STARD9: variants seen among roughly 807,000 people sequenced by gnomAD.
STARD9 encodes the protein StAR related lipid transfer domain containing 9.
Under a neutral mutation model 399.8 loss-of-function variants are expected in STARD9, and 346 were observed. The ratio of observed to expected loss-of-function variants is 0.87; its 90% CI spans 0.79 to 0.95. The LOEUF is 0.95. Among genes scored for constraint, STARD9 ranks in the 40% least tolerant of loss-of-function variants. The pLI, the probability that STARD9 is intolerant of heterozygous loss-of-function variation, is 0.00. For missense variants in STARD9, 5,832 were observed against 5,667.5 expected, an observed-to-expected ratio of 1.03 and a Z score of -0.93; for synonymous variants, 2,203 against 2,143.5, an observed-to-expected ratio of 1.03 and a Z score of -0.77.
chr15:42,711,443 A>G (rs1311836338), intron 26 of STARD9, among the ~76,000 whole-genome samples: 1 of 152,192 alleles, frequency 6.6e-6, no homozygotes, highest in Non-Finnish European at 1.5e-5. Context: ...ACCCAGCTCC[A>G]CATAGCCTTC....
rs777808931 is a variant in STARD9 at position 42,585,680 on chromosome 15, T to A, written c.234+43T>A. On this transcript the variant is annotated intron_variant, in intron 3 of 32. Transcript: ENST00000290607. The stretch of plus-strand genomic sequence containing the variant: ...TTTTCTTTCACCTCAGTTCTTTTTT[T>A]ATGTATAATATTTAAGATGTTTATT... 28 of 1,196,082 alleles carry A rather than the reference T, an allele frequency of 2.3e-5. No homozygotes were observed. In the African/African-American group the frequency reaches 4.2e-4, roughly 18 times the overall value. The allele number at this position is 1,196,082 out of a possible 1,614,324, so 74.1% of individuals were successfully genotyped here.
At chr15:42,694,376 G>A (rs1374104431) in intron 23 of STARD9, 34 bp downstream of exon 23, 3 of 1,536,014 alleles carry the variant, frequency 2.0e-6, no homozygotes, top group South Asian at 2.4e-5. Flanking sequence ...GGGAGGGGAA[G>A]GGGTGGGCTG....
At chr15:42,708,748 T>G (rs2061144157) in intron 26 of STARD9, among the ~76,000 whole-genome samples, 1 of 152,042 alleles carries the variant, frequency 6.6e-6, no homozygotes, top group Non-Finnish European at 1.5e-5. Context: ...TTCTGAGACA[T>G]GTATGTGAAA....
intron 3 of STARD9, among the ~76,000 whole-genome samples, chr15:42,626,375 C>G (rs908792757): frequency 2.4e-5 from 3 of 125,902 alleles, no homozygotes; most frequent in Admixed American, 1.6e-4. Context: ...CTTCTTCCTC[C>G]TCTTCCTCCT....
chr15:42,670,579 A>G (rs1200471556), intron 16 of STARD9: 1 of 152,216 alleles, frequency 6.6e-6, no homozygotes, highest in Non-Finnish European at 1.5e-5. Context: ...AATTATCCCC[A>G]GCTGACGTTT....
intron 7 of STARD9, among the ~76,000 whole-genome samples, chr15:42,643,817 G>C (rs2059592030): frequency 6.6e-6 from 1 of 152,026 alleles, no homozygotes; most frequent in Non-Finnish European, 1.5e-5. Flanking sequence ...TAGCTGTATT[G>C]CACCAGTTTT....
Position 42,718,892 on chromosome 15 carries a change from A to C in STARD9, c.13983A>C (p.Arg4661Ser). 1 of 1,537,230 alleles carries C rather than the reference A, an allele frequency of 6.5e-7. No homozygotes were observed. The highest frequency in any genetic ancestry group is 8.7e-7 in the Non-Finnish European group (1 of 1,146,886). ...CTGTGGAAGGGAAGGAAGTCACCAG[A>C]GTCATCTACTTGGCCCAGGTGATAA... ...PITVEGKEVT[R>S]VIYLAQVELG... Residue 4661 changes from arginine to serine, a missense_variant, in exon 32 of 33, where the codon AGA becomes AGC. By Grantham distance (110) the Arg-to-Ser change is moderately radical. This residue lies in a region of STARD9 where 5,828 missense variants were observed against 5,651.1 expected (regional missense o/e 1.03). Transcript: ENST00000290607.
At chr15:42,655,375 G>A (rs1356774567) in intron 9 of STARD9, among the ~76,000 whole-genome samples, 1 of 152,122 alleles carries the variant, frequency 6.6e-6, no homozygotes, top group Non-Finnish European at 1.5e-5. Flanking sequence ...CATGGTACTG[G>A]GACAAAAACA....
At chr15:42,679,262 T>G (rs747264385) in intron 20 of STARD9, among the ~76,000 whole-genome samples, 5 of 152,228 alleles carry the variant, frequency 3.3e-5, no homozygotes, top group Non-Finnish European at 7.3e-5. Flanking sequence ...CATATGGATG[T>G]ATGTTTCCTG....
chr15:42,692,316 C>G lies in STARD9; in HGVS notation c.10738C>G (p.Pro3580Ala), dbSNP rs1026432415. Residue 3580 changes from proline (P) to alanine (A), a missense_variant, in exon 23 of 33, where the codon CCC becomes GCC. Coordinates refer to ENST00000290607, the MANE Select transcript of STARD9 (RefSeq NM_020759.3). ...CCCGACGAGCCCTGAAGGAGTAGCC[C>G]CCACTTCGGGTCATGACAGAAGGCC... ...HIPTSPEGVA[P>A]TSGHDRRPQF... 6.5e-7 allele frequency: 1 copy of G among 1,536,874 alleles called. No individual in the cohort carries two copies. The highest frequency in any genetic ancestry group is 1.4e-5 in the African/African-American group (1 of 73,024).
intron 3 of STARD9, among the ~76,000 whole-genome samples, chr15:42,593,025 A>G (rs2058432207): frequency 6.6e-6 from 1 of 152,130 alleles, no homozygotes; most frequent in African/African-American, 2.4e-5. Context: ...AGTTATTGTG[A>G]GGAGGAAATG....
At chr15:42,681,727 G>GT (rs766292999) in intron 21 of STARD9, 115 bp downstream of exon 21, 13 of 956,060 alleles carry the variant, frequency 1.4e-5, no homozygotes, top group Non-Finnish European at 1.8e-5. Context: ...GGAATCTTTG[G>GT]TATTAGGTGT....
intron 23 of STARD9, 24 bp from the exon 24 acceptor site, chr15:42,694,504 T>C: frequency 1.3e-6 from 2 of 1,536,472 alleles, no homozygotes; most frequent in Non-Finnish European, 1.7e-6. Context: ...AGGGCCAGCT[T>C]CAGCGAATCG....
intron 29 of STARD9, 25 bp from the exon 30 acceptor site, chr15:42,717,952 T>C: frequency 6.5e-7 from 1 of 1,536,150 alleles, no homozygotes; most frequent in South Asian, 1.2e-5. Flanking sequence ...CCTTTCTATT[T>C]TCTGTGCTTG....
chr15:42,690,811 G>A lies in STARD9; in HGVS notation c.9233G>A (p.Ser3078Asn), dbSNP rs969701444. The A allele has an allele frequency of 3.9e-6, 6 of 1,537,112 alleles. No individual in the cohort carries two copies. The African/African-American group carries it at 5.5e-5, about 14-fold the overall frequency. ...GSFSHSATDGSVGLIGVPEKK... is the reference protein window; with the variant it reads ...GSFSHSATDGNVGLIGVPEKK... ...TTCAGCCACTCAGCTACTGATGGAA[G>A]CGTGGGGTTAATAGGGGTTCCTGAG... Residue 3078 changes from serine (S) to asparagine (N), a missense_variant, in exon 23 of 33, where the codon AGC becomes AAC. By Grantham distance (46) the Ser-to-Asn change is conservative (BLOSUM62 1). Around this residue, in one of 2 missense-constraint regions of STARD9, gnomAD observed 5,828 missense variants for 5,651.1 expected, o/e 1.03. Transcript: ENST00000290607.
chr15:42,682,482 C>T lies in STARD9; in HGVS notation c.2444C>T (p.Thr815Ile), dbSNP rs1039279231. Reference protein sequence around the residue: ...PPYQVLSPDATVPRPPCRSKL... With the variant: ...PPYQVLSPDAIVPRPPCRSKL... Reference sequence around the variant, plus strand: ...TACCAGGTCCTCAGCCCTGATGCCACAGTCCCACGGCCTCCATGTAGAAGC... The same window carrying T: ...TACCAGGTCCTCAGCCCTGATGCCATAGTCCCACGGCCTCCATGTAGAAGC... The change falls in exon 22 of 33, where the codon ACA becomes ATA. Residue 815 changes from threonine to isoleucine, a missense_variant. Coordinates refer to ENST00000290607, the MANE Select transcript of STARD9 (RefSeq NM_020759.3). 6.5e-7 allele frequency: 1 copy of T among 1,537,238 alleles called. No individual in the cohort carries two copies. The highest frequency in any genetic ancestry group is 8.7e-7 in the Non-Finnish European group (1 of 1,146,896).
chr15:42,592,052 GAAA>G (rs1241444396), intron 3 of STARD9, among the ~76,000 whole-genome samples: 1 of 152,108 alleles, frequency 6.6e-6, no homozygotes. Context: ...CTCTCAAAAA[GAAA>G]TACCATTTAG....
Position 42,693,267 on chromosome 15 carries a change from G to T in STARD9, c.11689G>T (p.Ala3897Ser). Residue 3897 changes from alanine to serine, a missense_variant, in exon 23 of 33, where the codon GCC becomes TCC. Around this residue, in one of 2 missense-constraint regions of STARD9, gnomAD observed 5,828 missense variants for 5,651.1 expected, o/e 1.03. Transcript: ENST00000290607. ...CACAAGTGCTTTGTTCGTGGACAGG[G>T]CCTCCTCCCCAATCCTCACTCTTAG... ...GPTSALFVDR[A>S]SSPILTLSAS... is the part of the protein sequence containing the mutation. The T allele has an allele frequency of 6.5e-7, 1 of 1,537,010 alleles. No homozygotes were observed. The highest frequency in any genetic ancestry group is 8.7e-7 in the Non-Finnish European group (1 of 1,146,884).
At chr15:42,617,418 A>G (rs2058988912) in intron 3 of STARD9, among the ~76,000 whole-genome samples, 1 of 152,122 alleles carries the variant, frequency 6.6e-6, no homozygotes, top group African/African-American at 2.4e-5. Flanking sequence ...GCTGGAGTAC[A>G]GTGGCACGAT....
Sources: gnomAD v4.1 joint callset for allele counts (sites outside exome capture counted in the v4.1 genomes callset) on GRCh38, gnomAD v4.1.1 for gene constraint, gnomAD v4.1.1 regional missense constraint, MANE v1.5 for transcripts, NCBI Gene and HGNC (gene_info 2026-07-23, HGNC 2026-07-21) for gene names.